Variants in XKR9 observed in about 807,000 individuals in gnomAD.
XKR9 encodes the protein XK-related protein 9.
A neutral mutation model predicts 32.0 loss-of-function variants in XKR9; 32 were observed. That is an observed-to-expected ratio of 1.00 (90% CI 0.76 to 1.34). The LOEUF (loss-of-function observed/expected upper bound fraction) is 1.34, where lower values mean the gene tolerates loss of function less well. Among genes scored for constraint, XKR9 ranks in the 40% most tolerant of loss-of-function variants. XKR9 has a pLI of 0.00. For synonymous variants in XKR9, 168 were observed against 143.4 expected, an observed-to-expected ratio of 1.17 and a Z score of -1.22; for missense variants, 546 against 429.7, an observed-to-expected ratio of 1.27 and a Z score of -2.39.
At chr8:70,693,460 A>G (rs747243150) in intron 3 of XKR9, among the ~76,000 whole-genome samples, 2 of 152,156 alleles carry the variant, frequency 1.3e-5, no homozygotes, top group Non-Finnish European at 2.9e-5. Flanking sequence ...GTGCTCTGAA[A>G]GTATAGGTTC....
At chr8:70,815,446 A>C in the XKR9 span, among the ~76,000 whole-genome samples, 1 of 152,126 alleles carries the variant, frequency 6.6e-6, no homozygotes, top group East Asian at 1.9e-4. Context: ...TTCCTGCATT[A>C]GTTTGCTAAG....
At chr8:70,850,359 G>C in the XKR9 span, among the ~76,000 whole-genome samples, 1 of 150,998 alleles carries the variant, frequency 6.6e-6, no homozygotes, top group African/African-American at 2.4e-5. Context: ...TACTCCGGAG[G>C]AGGCTGAGGC....
the XKR9 span, among the ~76,000 whole-genome samples, chr8:70,907,351 T>TAGAATA: frequency 7.4e-4 from 112 of 152,336 alleles, 1 homozygote; most frequent in African/African-American, 2.6e-3. Context: ...AAGTTAATAG[T>TAGAATA]GATAGAATAG....
Position 70,734,539 on chromosome 8 carries a change from T to C in XKR9, c.*115T>C. ...TTTGCCACCTTTAATTTGAAATTAG[T>C]TCAGTGAAATAGGAGATACATAGTA... On this transcript the variant is annotated 3_prime_UTR_variant, in exon 5 of 5. Coordinates refer to ENST00000408926, the MANE Select transcript of XKR9 (RefSeq NM_001011720.2). 7.6e-7 allele frequency: 1 copy of C among 1,322,600 alleles called. No homozygotes were observed. The highest frequency in any genetic ancestry group is 9.7e-7 in the Non-Finnish European group (1 of 1,027,002). The allele number at this position is 1,322,600 out of a possible 1,614,324, so 81.9% of individuals were successfully genotyped here. A position where few individuals can be genotyped will look rare whatever the true frequency, so the allele number is the denominator to read the frequency against.
the XKR9 span, among the ~76,000 whole-genome samples, chr8:71,005,225 C>CT: frequency 1.5e-3 from 193 of 130,326 alleles, 3 homozygotes; most frequent in East Asian, 3.3e-3. Flanking sequence ...TTTTCTTTTT[C>CT]TTTTTTTTTT....
chr8:70,707,441 A>G (rs1195732550), intron 4 of XKR9, among the ~76,000 whole-genome samples: 1 of 152,056 alleles, frequency 6.6e-6, no homozygotes, highest in Non-Finnish European at 1.5e-5. Flanking sequence ...AAATGGTAAC[A>G]TAAAATAAAA....
intron 4 of XKR9, among the ~76,000 whole-genome samples, chr8:70,717,822 G>A (rs1005581643): frequency 2.6e-5 from 4 of 152,112 alleles, no homozygotes; most frequent in Non-Finnish European, 4.4e-5. Flanking sequence ...GCATTGTCAG[G>A]CTGCAAATTT....
chr8:70,889,590 G>A, the XKR9 span, among the ~76,000 whole-genome samples: 2 of 151,352 alleles, frequency 1.3e-5, no homozygotes, highest in Non-Finnish European at 3.0e-5. Flanking sequence ...GTCTATGGTT[G>A]CCATCTTTAT....
the XKR9 span, among the ~76,000 whole-genome samples, chr8:71,007,878 T>G: frequency 3.3e-5 from 5 of 151,900 alleles, no homozygotes; most frequent in East Asian, 9.7e-4. Context: ...CATGTGCCCC[T>G]GAAAAATGTG....
chr8:70,741,030 G>A (rs572783832), intron 2 of XKR9, among the ~76,000 whole-genome samples: 8 of 152,358 alleles, frequency 5.3e-5, no homozygotes, highest in Admixed American at 2.6e-4. Flanking sequence ...GTCTGCAGAG[G>A]TTACTGCTGT....
intron 3 of XKR9, chr8:70,683,728 T>C (rs992258875): frequency 1.6e-5 from 5 of 311,576 alleles, no homozygotes; most frequent in African/African-American, 1.1e-4. Flanking sequence ...CCTCAAGTGA[T>C]CCACCCACCT....
the XKR9 span, among the ~76,000 whole-genome samples, chr8:70,842,794 T>C: frequency 6.6e-6 from 1 of 152,208 alleles, no homozygotes; most frequent in Admixed American, 6.5e-5. Flanking sequence ...CCCCGCCACC[T>C]GGCTCCAATA....
At chr8:70,953,909 A>T in the XKR9 span, among the ~76,000 whole-genome samples, 26 of 152,324 alleles carry the variant, frequency 1.7e-4, no homozygotes, top group African/African-American at 6.0e-4. Flanking sequence ...ACAAGAGGAA[A>T]GAGTCCAGAC....
the XKR9 span, among the ~76,000 whole-genome samples, chr8:70,978,376 T>C: frequency 6.6e-6 from 1 of 152,334 alleles, no homozygotes; most frequent in African/African-American, 2.4e-5. Context: ...CTGGTACTAG[T>C]TTTTCCTTTC....
the XKR9 span, among the ~76,000 whole-genome samples, chr8:70,975,966 G>T: frequency 5.3e-5 from 8 of 152,160 alleles, no homozygotes; most frequent in East Asian, 1.9e-4. Context: ...ACATCCCTTG[G>T]AAGTTGGATT....
chr8:70,721,435 A>G (rs1382689512), intron 4 of XKR9, among the ~76,000 whole-genome samples: 5 of 152,200 alleles, frequency 3.3e-5, no homozygotes, highest in Admixed American at 6.5e-5. Context: ...TGATGTGAGC[A>G]TTTAGTGCTA....
the XKR9 span, among the ~76,000 whole-genome samples, chr8:70,906,601 C>T: frequency 6.6e-6 from 1 of 152,100 alleles, no homozygotes; most frequent in East Asian, 1.9e-4. Context: ...GGCCATAATG[C>T]CATTTGCTCA....
the XKR9 span, among the ~76,000 whole-genome samples, chr8:71,023,019 A>G: frequency 6.6e-6 from 1 of 150,434 alleles, no homozygotes; most frequent in African/African-American, 2.4e-5. Context: ...CTTTCTTTGT[A>G]TTGCTTACTT....
chr8:70,764,999 G>A (rs984734334), intron 2 of XKR9, among the ~76,000 whole-genome samples: 3 of 152,046 alleles, frequency 2.0e-5, no homozygotes, highest in African/African-American at 7.2e-5. Context: ...TCATTGTTGG[G>A]CATGTGGGTT....
Sources: allele counts gnomAD v4.1 joint callset (sites outside exome capture counted in the v4.1 genomes callset), GRCh38; gene constraint gnomAD v4.1.1; transcripts MANE v1.5; gene names NCBI Gene and HGNC (gene_info 2026-07-23, HGNC 2026-07-21).